Variants in PTPRU observed in about 807,000 individuals in gnomAD.
PTPRU encodes receptor-type tyrosine-protein phosphatase U.
In PTPRU, 69 loss-of-function variants were observed where a neutral mutation model predicts 166.3. That is an observed-to-expected ratio of 0.41 (90% CI 0.34 to 0.51). PTPRU has a LOEUF of 0.51. Among genes scored for constraint, PTPRU ranks in the 20% least tolerant of loss-of-function variants. PTPRU has a pLI of 0.09. For synonymous variants in PTPRU, 793 were observed against 814.0 expected, an observed-to-expected ratio of 0.97 and a Z score of 0.44; for missense variants, 1,657 against 2,013.7, an observed-to-expected ratio of 0.82 and a Z score of 3.39.
intron 15 of PTPRU, among the ~76,000 whole-genome samples, chr1:29,298,152 G>T (rs1014909875): frequency 6.6e-6 from 1 of 152,006 alleles, no homozygotes; most frequent in Non-Finnish European, 1.5e-5. Flanking sequence ...CAGCTACTTG[G>T]GAGGCTGAGG....
chr1:29,276,537 C>T (rs1408979482), intron 8 of PTPRU, among the ~76,000 whole-genome samples: 6 of 152,086 alleles, frequency 3.9e-5, no homozygotes, highest in African/African-American at 9.7e-5. Flanking sequence ...AGGCTGGTCT[C>T]GAACTCCTGG....
At chr1:29,301,250 C>G (rs1291281817) in intron 15 of PTPRU, among the ~76,000 whole-genome samples, 1 of 152,150 alleles carries the variant, frequency 6.6e-6, no homozygotes, top group African/African-American at 2.4e-5. Context: ...CAATGGACCA[C>G]GTATACCATG....
Position 29,285,142 on chromosome 1 carries a change from G to T in PTPRU, c.2318+273G>T, listed in dbSNP as rs79501986. Among the ~76,000 whole-genome samples, 1,064 of 152,282 alleles carry T rather than the reference G, an allele frequency of 7.0e-3. 16 individuals are homozygous for T. Among genetic ancestry groups the T allele is most frequent in the African/African-American group, 0.024 (998 of 41,560 alleles). On this transcript the variant is annotated intron_variant, in intron 14 of 29. Transcript: ENST00000373779. ...CAGGGAGGGGTGCTCAGTGCCTGGT[G>T]CCAAGGAGCTATGCCTGCTGGGACT...
rs1292407071 is a variant in PTPRU, at chr1:29,279,635, T to C, written c.1743T>C (p.Thr581=). The change falls in exon 10 of 30, where the codon ACT becomes ACC. Residue 581 remains threonine, a synonymous_variant. Coordinates refer to ENST00000373779, the MANE Select transcript of PTPRU (RefSeq NM_133178.4). This position sits in a 1 kb window ranked among gnomAD's most constrained non-coding sequence, Gnocchi z 5.2. ...TGKGFGQAAL[T]EITTNISAPS... is the part of the protein sequence containing the mutation. Reference sequence around the variant, plus strand: ...AAGGCTTCGGCCAGGCGGCACTCACTGAGATAACCACTAACATCTCTGGTG... The same window carrying C: ...AAGGCTTCGGCCAGGCGGCACTCACCGAGATAACCACTAACATCTCTGGTG... 2 of 1,612,464 alleles carry C rather than the reference T, an allele frequency of 1.2e-6. No individual in the cohort carries two copies. The highest frequency in any genetic ancestry group is 2.2e-5 in the South Asian group (2 of 91,086).
intron 26 of PTPRU, 83 bp from the exon 27 acceptor site, chr1:29,323,288 T>G: frequency 6.6e-7 from 1 of 1,520,320 alleles, no homozygotes; most frequent in South Asian, 1.2e-5. Context: ...AGGGCAAGTG[T>G]GGAGCCCTTG....
rs1683824252 is a variant in PTPRU at position 29,237,525 on chromosome 1, G to A, written c.73+808G>A. Among the ~76,000 whole-genome samples, 1 of 151,764 alleles carries A rather than the reference G, an allele frequency of 6.6e-6. No individual in the cohort carries two copies. Among genetic ancestry groups the A allele is most frequent in the South Asian group, 2.1e-4 (1 of 4,822 alleles). ...GCTGCGAGTGTGCCCTGGTCCCGGG[G>A]CCGCCCGAGGGGGCGGTGGCAGGAC... On this transcript the variant is annotated intron_variant, in intron 1 of 29. Coordinates refer to ENST00000373779, the MANE Select transcript of PTPRU (RefSeq NM_133178.4). This position sits in a 1 kb window ranked among gnomAD's most constrained non-coding sequence, Gnocchi z 6.4.
intron 1 of PTPRU, among the ~76,000 whole-genome samples, chr1:29,251,946 T>G (rs1684561202): frequency 6.6e-6 from 1 of 152,234 alleles, no homozygotes; most frequent in African/African-American, 2.4e-5. Flanking sequence ...GCTCTCTCTC[T>G]GTACTTGCCA....
At chr1:29,258,266 T>G (rs770955012) in intron 2 of PTPRU, among the ~76,000 whole-genome samples, 29 of 152,128 alleles carry the variant, frequency 1.9e-4, no homozygotes, top group Non-Finnish European at 3.8e-4. Context: ...CGCCCAGCCT[T>G]TAAATGGTTT....
At chr1:29,268,417 C>T (rs1685396909) in intron 7 of PTPRU, among the ~76,000 whole-genome samples, 1 of 152,170 alleles carries the variant, frequency 6.6e-6, no homozygotes, top group Non-Finnish European at 1.5e-5. Context: ...GTGTTACTGG[C>T]ATCTAAAGGG....
chr1:29,325,764 C>A lies in PTPRU; in HGVS notation c.*103C>A. 7.9e-7 allele frequency: 1 copy of A among 1,266,986 alleles called. No homozygotes were observed. Among genetic ancestry groups the A allele is most frequent in the Non-Finnish European group, 1.1e-6 (1 of 919,570 alleles). 78.5% of individuals were successfully genotyped at this position (1,266,986 alleles called of 1,614,324 possible). A position where few individuals can be genotyped will look rare whatever the true frequency, so the allele number is the denominator to read the frequency against. On this transcript the variant is annotated 3_prime_UTR_variant, in exon 30 of 30. Coordinates refer to ENST00000373779, the MANE Select transcript of PTPRU (RefSeq NM_133178.4). Reference sequence around the variant, plus strand: ...CTCCTGCTCTGCCCAAACACACTCCCATGGGGCAAGCACTGGAGTGGATGC... The same window carrying A: ...CTCCTGCTCTGCCCAAACACACTCCAATGGGGCAAGCACTGGAGTGGATGC...
In PTPRU at chr1:29,323,802, C is replaced by T. The variant is rs1338534761; in HGVS notation, c.4112+14C>T. 1 of 1,613,098 alleles carries T rather than the reference C, an allele frequency of 6.2e-7. No individual in the cohort carries two copies. Among genetic ancestry groups the T allele is most frequent in the African/African-American group, 1.3e-5 (1 of 75,042 alleles). On this transcript the variant is annotated intron_variant, in intron 28 of 29. Coordinates refer to ENST00000373779, the MANE Select transcript of PTPRU (RefSeq NM_133178.4). ...CGTGCACTGCCTGTGAGTACCTGCC[C>T]TGTGGGAGGGCGGGTGGAGGGGTTG...
At chr1:29,313,427 T>A (rs908445767) in intron 22 of PTPRU, among the ~76,000 whole-genome samples, 2 of 152,234 alleles carry the variant, frequency 1.3e-5, no homozygotes, top group African/African-American at 4.8e-5. Context: ...TAGGCCTCTT[T>A]AAGATGCCAT....
chr1:29,289,535 C>A, intron 14 of PTPRU: 1 of 836,094 alleles, frequency 1.2e-6, no homozygotes. Flanking sequence ...CCAGGGAGGT[C>A]CTCCTGACCT....
rs1685956648 is a variant in PTPRU at position 29,279,392 on chromosome 1, G to A, written c.1564-64G>A. The A allele has an allele frequency of 1.3e-6, 2 of 1,510,574 alleles. No homozygotes were observed. Among genetic ancestry groups the A allele is most frequent in the Non-Finnish European group, 1.8e-6 (2 of 1,087,464 alleles). 93.6% of individuals were successfully genotyped at this position (1,510,574 alleles called of 1,614,324 possible). A position where few individuals can be genotyped will look rare whatever the true frequency, so the allele number is the denominator to read the frequency against. ...TCACTTCCCTGGGACATGGTGGGTG[G>A]AGGCTGCTGGTCAGGGATGCTCTGA... is the stretch of plus-strand genomic sequence containing the variant. On this transcript the variant is annotated intron_variant, in intron 9 of 29. Coordinates refer to ENST00000373779, the MANE Select transcript of PTPRU (RefSeq NM_133178.4). This position sits in a 1 kb window ranked among gnomAD's most constrained non-coding sequence, Gnocchi z 5.2.
intron 1 of PTPRU, among the ~76,000 whole-genome samples, chr1:29,254,778 G>A (rs1684700653): frequency 6.6e-6 from 1 of 152,114 alleles, no homozygotes; most frequent in Non-Finnish European, 1.5e-5. Context: ...GGAAGATAGA[G>A]GGGCAGGTGA....
At chr1:29,322,538 G>T (rs868634555) in intron 26 of PTPRU, among the ~76,000 whole-genome samples, 2 of 152,168 alleles carry the variant, frequency 1.3e-5, no homozygotes, top group African/African-American at 4.8e-5. Flanking sequence ...GGAGCAGCCT[G>T]TGCAGGGTTC....
intron 1 of PTPRU, among the ~76,000 whole-genome samples, chr1:29,240,736 G>A (rs903871135): frequency 6.6e-6 from 1 of 152,186 alleles, no homozygotes; most frequent in African/African-American, 2.4e-5. Flanking sequence ...TTGTGATGGG[G>A]CCTGGCAGTT....
At chr1:29,307,438 C>CA (rs1273677493) in intron 18 of PTPRU, among the ~76,000 whole-genome samples, 2 of 152,258 alleles carry the variant, frequency 1.3e-5, no homozygotes, top group Non-Finnish European at 2.9e-5. Flanking sequence ...CTGGTCACAA[C>CA]AGTCTGTCAC....
rs192714413 is a variant in PTPRU, at chr1:29,314,858, C to T, written c.3228-514C>T. Among the ~76,000 whole-genome samples, 3 of 152,276 alleles carry T rather than the reference C, an allele frequency of 2.0e-5. No individual in the cohort carries two copies. The East Asian group carries it at 5.8e-4, about 29-fold the overall frequency. ...CCTCCCAGAGTGCTGGGATTACAGG[C>T]CTGAGCCACCGTGCCTGGCCACGAA... On this transcript the variant is annotated intron_variant, in intron 22 of 29. Coordinates refer to ENST00000373779, the MANE Select transcript of PTPRU (RefSeq NM_133178.4).
Sources: gnomAD v4.1 joint callset for allele counts (sites outside exome capture counted in the v4.1 genomes callset) on GRCh38, gnomAD v4.1.1 for gene constraint, Gnocchi (gnomAD v3.1) non-coding constraint, MANE v1.5 for transcripts, NCBI Gene and HGNC (gene_info 2026-07-23, HGNC 2026-07-21) for gene names.